ARHGAP18: variants seen among roughly 807,000 people sequenced by gnomAD.
The protein encoded by ARHGAP18 is Rho GTPase activating protein 18, also known as rho GTPase-activating protein 18.
A neutral mutation model predicts 86.2 loss-of-function variants in ARHGAP18; 67 were observed. That is an observed-to-expected ratio of 0.78 (90% CI 0.64 to 0.95). The LOEUF (loss-of-function observed/expected upper bound fraction) is 0.95. Among genes scored for constraint, ARHGAP18 ranks in the 40% least tolerant of loss-of-function variants. The pLI is 0.00. For synonymous variants in ARHGAP18, 283 were observed against 280.4 expected, an observed-to-expected ratio of 1.01 and a Z score of -0.09; for missense variants, 691 against 780.4, an observed-to-expected ratio of 0.89 and a Z score of 1.37.
chr6:129,676,912 CCTCTTTT>C (rs1325929216), intron 1 of ARHGAP18, among the ~76,000 whole-genome samples: 1,357 of 103,844 alleles, frequency 0.013, 49 homozygotes, highest in Non-Finnish European at 0.016. Flanking sequence ...AATTTTTTGT[CCTCTTTT>C]TTTTTTTTTT....
intron 5 of ARHGAP18, among the ~76,000 whole-genome samples, chr6:129,619,856 G>C (rs1050849550): frequency 6.6e-6 from 1 of 151,918 alleles, no homozygotes; most frequent in Admixed American, 6.6e-5. Flanking sequence ...GAAGAGCATG[G>C]ACTTCAGAGC....
chr6:129,597,537 A>G lies in ARHGAP18; in HGVS notation c.1713+1679T>C, dbSNP rs1425934785. ...CTCTCATGCTTACTTCCTGTTTTGT[A>G]GATTACGGTACCCTGGTCAGGCTTC... On this transcript the variant is annotated intron_variant, in intron 12 of 14. Coordinates refer to ENST00000368149, the MANE Select transcript of ARHGAP18 (RefSeq NM_033515.3). Among the ~76,000 whole-genome samples, 3 of 152,066 alleles carry G rather than the reference A, an allele frequency of 2.0e-5. No homozygotes were observed. The East Asian group carries it at 5.8e-4, about 29-fold the overall frequency.
rs1257662177 is a variant in ARHGAP18, at chr6:129,625,759, TATATATTA to T, written c.786+3586_786+3593del. 1.1e-3 allele frequency among the ~76,000 whole-genome samples: 66 copies of T among 58,132 alleles called. 14 individuals carry two copies. The highest frequency in any genetic ancestry group is 1.7e-3 in the Non-Finnish European group (53 of 32,114). The allele number at this position is 58,132 out of a possible 152,430, so 38.1% of individuals were successfully genotyped here. On this transcript the variant is annotated intron_variant, in intron 5 of 14. Transcript: ENST00000368149. ...ATTATATATTTATATATTATATATT[TATATATTA>T]TATATATTTATATATATAATATATA... is the stretch of plus-strand genomic sequence containing the variant.
chr6:129,657,885 A>G (rs1773872134), intron 1 of ARHGAP18, among the ~76,000 whole-genome samples: 1 of 152,234 alleles, frequency 6.6e-6, no homozygotes, highest in South Asian at 2.1e-4. Flanking sequence ...CCTCCTAAGC[A>G]TTCACCTAAT....
chr6:129,630,384 T>C (rs191884434), intron 4 of ARHGAP18, among the ~76,000 whole-genome samples: 8 of 152,298 alleles, frequency 5.3e-5, no homozygotes, highest in Admixed American at 5.2e-4. Context: ...GAAAAAAACC[T>C]AAAGCCAAGA....
rs138729288 is a variant in ARHGAP18 at position 129,647,668 on chromosome 6, A to G, written c.114-5650T>C. 2.0e-3 allele frequency among the ~76,000 whole-genome samples: 306 copies of G among 150,506 alleles called. 1 individual carries two copies. Among genetic ancestry groups the G allele is most frequent in the Admixed American group, 5.4e-3 (82 of 15,204 alleles). On this transcript the variant is annotated intron_variant, in intron 1 of 14. Coordinates refer to ENST00000368149, the MANE Select transcript of ARHGAP18 (RefSeq NM_033515.3). ...TTTGTTTTGGCTTCGTTCTGTTTTA[A>G]TGTGTAAAAAAAAAAAAGGCAGTGG...
chr6:129,640,293 A>G (rs1475748510), intron 2 of ARHGAP18, among the ~76,000 whole-genome samples: 1 of 152,222 alleles, frequency 6.6e-6, no homozygotes, highest in Non-Finnish European at 1.5e-5. Context: ...CTTCTTGATG[A>G]TCACATAGTG....
intron 12 of ARHGAP18, among the ~76,000 whole-genome samples, chr6:129,593,254 G>A (rs947132769): frequency 6.6e-6 from 1 of 152,030 alleles, no homozygotes; most frequent in East Asian, 1.9e-4. Flanking sequence ...CATGCCAGGA[G>A]TTCGAGACCA....
intron 12 of ARHGAP18, among the ~76,000 whole-genome samples, chr6:129,587,579 C>T (rs1193494387): frequency 6.6e-6 from 1 of 152,130 alleles, no homozygotes; most frequent in Non-Finnish European, 1.5e-5. Flanking sequence ...TGGCAGAAGG[C>T]ACCTCTTCAC....
At chr6:129,607,349 CCCAAG>C (rs1361911445) in intron 9 of ARHGAP18, among the ~76,000 whole-genome samples, 3 of 152,112 alleles carry the variant, frequency 2.0e-5, no homozygotes, top group Non-Finnish European at 2.9e-5. Flanking sequence ...GTGTAGCTTG[CCCAAG>C]ACGACAAAAT....
intron 1 of ARHGAP18, among the ~76,000 whole-genome samples, chr6:129,704,917 C>T (rs551929884): frequency 8.5e-5 from 13 of 152,198 alleles, no homozygotes; most frequent in African/African-American, 3.1e-4. Flanking sequence ...TATCCTGACC[C>T]CTGCAGTCAT....
intron 12 of ARHGAP18, 54 bp from the exon 13 acceptor site, chr6:129,584,166 C>G: frequency 6.2e-7 from 1 of 1,607,698 alleles, no homozygotes; most frequent in Non-Finnish European, 8.5e-7. Flanking sequence ...GAACGTGTAA[C>G]TCTACAATGC....
intron 7 of ARHGAP18, 48 bp downstream of exon 7, chr6:129,616,164 T>C (rs1010253590): frequency 7.2e-7 from 1 of 1,394,700 alleles, no homozygotes; most frequent in Non-Finnish European, 9.9e-7. Flanking sequence ...AAAACCACTA[T>C]TAGCTTAAGT....
chr6:129,633,903 A>G (rs1773270631), intron 4 of ARHGAP18, 139 bp downstream of exon 4: 2 of 682,794 alleles, frequency 2.9e-6, no homozygotes, highest in South Asian at 5.0e-5. Context: ...GCCTCACATA[A>G]TGATCCACTT....
chr6:129,704,221 G>A (rs1774766863), intron 1 of ARHGAP18, among the ~76,000 whole-genome samples: 2 of 152,068 alleles, frequency 1.3e-5, no homozygotes, highest in Admixed American at 1.3e-4. Flanking sequence ...GAGGCAGGCG[G>A]ATCACTTGAG....
intron 12 of ARHGAP18, 58 bp from the exon 13 acceptor site, chr6:129,584,170 A>G (rs1788345480): frequency 6.2e-7 from 1 of 1,606,166 alleles, no homozygotes; most frequent in Non-Finnish European, 8.5e-7. Context: ...GTGTAACTCT[A>G]CAATGCATTA....
At chr6:129,587,530 C>A (rs545065166) in intron 12 of ARHGAP18, among the ~76,000 whole-genome samples, 1 of 152,292 alleles carries the variant, frequency 6.6e-6, no homozygotes, top group African/African-American at 2.4e-5. Context: ...TGATTCATAG[C>A]TCCTCATGGC....
intron 12 of ARHGAP18, among the ~76,000 whole-genome samples, chr6:129,592,189 T>C (rs959627526): frequency 4.6e-5 from 7 of 152,258 alleles, no homozygotes; most frequent in African/African-American, 1.7e-4. Context: ...TATTGTAATC[T>C]GATTTTCCAC....
chr6:129,599,506 T>C, intron 11 of ARHGAP18, 150 bp from the exon 12 acceptor site: 1 of 694,300 alleles, frequency 1.4e-6, no homozygotes, highest in Non-Finnish European at 2.1e-6. Flanking sequence ...ATTCATTAAA[T>C]CTGTGAAAAG....
Sources: allele counts gnomAD v4.1 joint callset (sites outside exome capture counted in the v4.1 genomes callset), GRCh38; gene constraint gnomAD v4.1.1; transcripts MANE v1.5; gene names NCBI Gene and HGNC (gene_info 2026-07-23, HGNC 2026-07-21).